Variants in GSDME observed in about 807,000 individuals in gnomAD.
The protein encoded by GSDME is gasdermin-E.
Under a neutral mutation model 47.5 loss-of-function variants are expected in GSDME, and 44 were observed. That is an observed-to-expected ratio of 0.93 (90% CI 0.73 to 1.19). The LOEUF is 1.19. GSDME is among the 50% of genes most tolerant of loss of function. The probability of loss-of-function intolerance (pLI) is 0.00; values close to 1 mark genes in which losing one functional copy is unlikely to be tolerated. For synonymous variants in GSDME, 258 were observed against 252.8 expected, an observed-to-expected ratio of 1.02 and a Z score of -0.20; for missense variants, 663 against 604.2, an observed-to-expected ratio of 1.10 and a Z score of -1.02.
chr7:24,785,074 G>C, the GSDME span, among the ~76,000 whole-genome samples: 1 of 152,182 alleles, frequency 6.6e-6, no homozygotes, highest in Non-Finnish European at 1.5e-5. Context: ...GGTAAAGTAG[G>C]TGTCAGCAAA....
At chr7:24,723,561 G>A (rs1789867333) in intron 3 of GSDME, among the ~76,000 whole-genome samples, 1 of 152,140 alleles carries the variant, frequency 6.6e-6, no homozygotes, top group Non-Finnish European at 1.5e-5. Context: ...TGCTAATAGA[G>A]TTCATGAAAC....
At chr7:24,751,959 G>T (rs182028369) in intron 1 of GSDME, among the ~76,000 whole-genome samples, 1 of 152,178 alleles carries the variant, frequency 6.6e-6, no homozygotes, top group Non-Finnish European at 1.5e-5. Context: ...CAAGAAAAAG[G>T]CATCTAAATC....
chr7:24,710,839 A>G (rs747169302), intron 5 of GSDME, among the ~76,000 whole-genome samples: 1 of 152,224 alleles, frequency 6.6e-6, no homozygotes, highest in Admixed American at 6.5e-5. Context: ...CAATGTTTCT[A>G]TAATATATAG....
intron 5 of GSDME, 27 bp from the exon 6 acceptor site, chr7:24,710,415 T>G (rs1459612539): frequency 1.2e-6 from 2 of 1,613,730 alleles, no homozygotes; most frequent in Non-Finnish European, 1.7e-6. Context: ...AAGGACAAGT[T>G]AGGTAAAGTT....
chr7:24,714,079 T>C lies in GSDME; in HGVS notation c.697+3175A>G, dbSNP rs1789454791. ...AAGGCATCCAACTGGAAGTTGGTGC[T>C]GAAGGACGCTAGCAAATGCCAAGAT... On this transcript the variant is annotated intron_variant, in intron 5 of 9. Coordinates refer to ENST00000645220, the MANE Select transcript of GSDME (RefSeq NM_001127453.2). This position sits in a 1 kb window ranked among gnomAD's most constrained non-coding sequence, Gnocchi z 5.0. Among the ~76,000 whole-genome samples, 1 of 152,196 alleles carries C rather than the reference T, an allele frequency of 6.6e-6. No homozygotes were observed. The highest frequency in any genetic ancestry group is 2.4e-5 in the African/African-American group (1 of 41,444).
At chr7:24,790,622 C>A in the GSDME span, among the ~76,000 whole-genome samples, 1 of 152,164 alleles carries the variant, frequency 6.6e-6, no homozygotes, top group Non-Finnish European at 1.5e-5. The surrounding 1 kb of genome is among the most constrained non-coding windows in gnomAD (Gnocchi z 4.1). Context: ...ACACGGTTTG[C>A]AACTTTGGGA....
the GSDME span, among the ~76,000 whole-genome samples, chr7:24,792,449 G>A: frequency 1.3e-5 from 2 of 152,320 alleles, no homozygotes; most frequent in African/African-American, 2.4e-5. Flanking sequence ...TCAGGAGGGA[G>A]AGAGGTACTT....
chr7:24,759,280 C>T (rs1247420785), upstream of GSDME, among the ~76,000 whole-genome samples: 1 of 152,216 alleles, frequency 6.6e-6, no homozygotes, highest in Non-Finnish European at 1.5e-5. Context: ...ACAGCATACT[C>T]ATCAGGTTCC....
intron 5 of GSDME, among the ~76,000 whole-genome samples, chr7:24,711,595 C>A (rs1389945205): frequency 6.6e-6 from 1 of 151,994 alleles, no homozygotes; most frequent in Non-Finnish European, 1.5e-5. Flanking sequence ...CTGAGGCAGG[C>A]AGATTGCTTG....
intron 9 of GSDME, among the ~76,000 whole-genome samples, chr7:24,700,444 T>A (rs991376185): frequency 5.9e-5 from 9 of 152,128 alleles, no homozygotes; most frequent in African/African-American, 2.2e-4. Context: ...AGTAGTAAAA[T>A]TTTAAATTAA....
chr7:24,751,968 T>A (rs1016368948), intron 1 of GSDME, among the ~76,000 whole-genome samples: 6 of 152,184 alleles, frequency 3.9e-5, no homozygotes, highest in Non-Finnish European at 8.8e-5. Context: ...GGCATCTAAA[T>A]CTCATTGGAG....
chr7:24,782,860 G>A, the GSDME span, among the ~76,000 whole-genome samples: 1 of 152,174 alleles, frequency 6.6e-6, no homozygotes, highest in Non-Finnish European at 1.5e-5. Context: ...CTACATAAAT[G>A]TCTTCTTTTG....
At chr7:24,701,379 C>T (rs147738316) in intron 9 of GSDME, among the ~76,000 whole-genome samples, 7 of 152,350 alleles carry the variant, frequency 4.6e-5, no homozygotes, top group African/African-American at 1.4e-4. Flanking sequence ...GCTCTTAGAA[C>T]ACCAACAGAG....
Position 24,744,753 on chromosome 7 carries a change from C to T in GSDME, c.213G>A (p.Val71=). 2 of 1,614,012 alleles carry T rather than the reference C, an allele frequency of 1.2e-6. No homozygotes were observed. Among genetic ancestry groups the T allele is most frequent in the Non-Finnish European group, 1.7e-6 (2 of 1,180,020 alleles). The change falls in exon 3 of 10, where the codon GTG becomes GTA. Residue 71 remains valine, a splice_region_variant and synonymous_variant. Transcript: ENST00000645220. The surrounding 1 kb of genome is among the most constrained non-coding windows in gnomAD (Gnocchi z 4.5). ...VLIEDQFPSP[V]VVESDFVKYE... ...ATTTCACAAAGTCCGACTCCACGAC[C>T]ACTGGAATGGAGGAGACGAGCAGAG...
chr7:24,751,371 C>T (rs555111025), intron 1 of GSDME, among the ~76,000 whole-genome samples: 49 of 152,306 alleles, frequency 3.2e-4, no homozygotes, highest in African/African-American at 1.1e-3. Flanking sequence ...TTTTTGCTTG[C>T]ACCCTGGCGC....
intron 5 of GSDME, 115 bp from the exon 6 acceptor site, chr7:24,710,503 C>A: frequency 1.0e-6 from 1 of 963,142 alleles, no homozygotes; most frequent in Non-Finnish European, 1.7e-6. Flanking sequence ...CTCAGTGGAG[C>A]AGAAGACCCA....
the GSDME span, among the ~76,000 whole-genome samples, chr7:24,784,126 C>T: frequency 6.6e-6 from 1 of 152,128 alleles, no homozygotes; most frequent in Non-Finnish European, 1.5e-5. Flanking sequence ...AGTAGTTTGC[C>T]TTTCTTTACT....
chr7:24,707,475 G>T (rs1258230350), intron 7 of GSDME: 2 of 468,228 alleles, frequency 4.3e-6, no homozygotes, highest in Non-Finnish European at 8.9e-6. Context: ...GTTCTAAATG[G>T]AACAGGCTGA....
the GSDME span, among the ~76,000 whole-genome samples, chr7:24,769,228 C>G: frequency 6.6e-6 from 1 of 152,132 alleles, no homozygotes; most frequent in Non-Finnish European, 1.5e-5. Flanking sequence ...CCACAGGAAC[C>G]ATTGCTTGCA....
Sources: allele counts gnomAD v4.1 joint callset (sites outside exome capture counted in the v4.1 genomes callset), GRCh38; gene constraint gnomAD v4.1.1; non-coding constraint Gnocchi (gnomAD v3.1); transcripts MANE v1.5; gene names NCBI Gene and HGNC (gene_info 2026-07-23, HGNC 2026-07-21).